The following AXDND1 variants were observed in gnomAD, a reference collection of about 807,000 sequenced individuals.
AXDND1 encodes axonemal dynein light chain domain-containing protein 1.
In AXDND1, 110 loss-of-function variants were observed where a neutral mutation model predicts 137.5. That is an observed-to-expected ratio of 0.80 (90% CI 0.69 to 0.94). The LOEUF is 0.94. Ranked by LOEUF, AXDND1 falls within the 40% of genes least tolerant of loss-of-function variation. The probability of loss-of-function intolerance (pLI) is 0.00; values close to 1 mark genes in which losing one functional copy is unlikely to be tolerated. For missense variants in AXDND1, 1,191 were observed against 1,169.8 expected (o/e 1.02, Z -0.26); for synonymous variants, 414 against 399.7 (o/e 1.04, Z -0.43).
intron 2 of AXDND1, 96 bp downstream of exon 2, chr1:179,366,702 C>A: frequency 2.1e-6 from 2 of 972,742 alleles, no homozygotes; most frequent in Non-Finnish European, 3.2e-6. Flanking sequence ...ATTCAGAATA[C>A]CTTGATTGGC....
chr1:179,383,395 C>A (rs371364552), intron 7 of AXDND1, 47 bp from the exon 8 acceptor site: 2 of 1,383,074 alleles, frequency 1.4e-6, no homozygotes, highest in Non-Finnish European at 2.1e-6. Context: ...TTTGAGAATT[C>A]CCTGTTGCAA....
intron 20 of AXDND1, among the ~76,000 whole-genome samples, chr1:179,493,997 G>A (rs1247357766): frequency 1.3e-5 from 2 of 152,220 alleles, no homozygotes; most frequent in East Asian, 1.9e-4. Context: ...TGTTGCCCAG[G>A]CTGGAGTGCA....
chr1:179,531,656 T>C (rs545411202), intron 23 of AXDND1, among the ~76,000 whole-genome samples: 27 of 152,230 alleles, frequency 1.8e-4, no homozygotes, highest in South Asian at 1.5e-3. Context: ...CCAAAGCTGA[T>C]AGGAGCACCC....
At chr1:179,369,244 A>G (rs1407122084) in intron 3 of AXDND1, among the ~76,000 whole-genome samples, 1 of 151,846 alleles carries the variant, frequency 6.6e-6, no homozygotes, top group Non-Finnish European at 1.5e-5. Flanking sequence ...CACCTGGCTA[A>G]TTTTTGTATT....
At chr1:179,529,372 C>T (rs1338616757) in intron 23 of AXDND1, among the ~76,000 whole-genome samples, 1 of 152,228 alleles carries the variant, frequency 6.6e-6, no homozygotes, top group Non-Finnish European at 1.5e-5. Context: ...TGGCCCCCTA[C>T]AAATTTGTTG....
At chr1:179,524,868 A>T (rs575193566) in intron 21 of AXDND1, among the ~76,000 whole-genome samples, 1 of 152,326 alleles carries the variant, frequency 6.6e-6, no homozygotes, top group South Asian at 2.1e-4. Flanking sequence ...CTTCAGGATA[A>T]GAGCCAATCA....
intron 19 of AXDND1, among the ~76,000 whole-genome samples, chr1:179,492,267 G>A (rs1666990175): frequency 6.6e-6 from 1 of 152,036 alleles, no homozygotes; most frequent in South Asian, 2.1e-4. Context: ...TAGAGGTAGA[G>A]TTTTGCCATG....
At chr1:179,450,503 T>G (rs570707031) in intron 16 of AXDND1, 1 of 152,260 alleles carries the variant, frequency 6.6e-6, no homozygotes, top group East Asian at 1.9e-4. Flanking sequence ...TAGGAAATTC[T>G]GTTCTATTCC....
intron 18 of AXDND1, among the ~76,000 whole-genome samples, chr1:179,488,985 G>A (rs769697306): frequency 6.8e-6 from 1 of 146,794 alleles, no homozygotes; most frequent in Admixed American, 6.7e-5. Context: ...CACCTGTCTC[G>A]GCCTCCCAAA....
chr1:179,538,828 A>C (rs2125719346), intron 25 of AXDND1, among the ~76,000 whole-genome samples: 1 of 151,420 alleles, frequency 6.6e-6, no homozygotes, highest in East Asian at 1.9e-4. Context: ...TGGGAGTCTA[A>C]GTCTCTTTGT....
chr1:179,450,485 A>G (rs1660400394), intron 16 of AXDND1: 1 of 152,112 alleles, frequency 6.6e-6, no homozygotes, highest in South Asian at 2.1e-4. Flanking sequence ...GATGCTTTTT[A>G]TCAGGTTTAG....
chr1:179,466,448 A>T (rs1384006211), intron 16 of AXDND1, among the ~76,000 whole-genome samples: 1 of 147,366 alleles, frequency 6.8e-6, no homozygotes, highest in East Asian at 2.1e-4. Flanking sequence ...TCTAAGAATT[A>T]TAATTTGACG....
intron 12 of AXDND1, among the ~76,000 whole-genome samples, chr1:179,416,826 G>C (rs1377003810): frequency 6.6e-6 from 1 of 152,112 alleles, no homozygotes; most frequent in Non-Finnish European, 1.5e-5. Context: ...CTGTCTTGTG[G>C]CTACCCTAGA....
At chr1:179,415,792 C>T (rs531408914) in intron 12 of AXDND1, among the ~76,000 whole-genome samples, 1 of 152,160 alleles carries the variant, frequency 6.6e-6, no homozygotes, top group South Asian at 2.1e-4. Context: ...GCAACCTCCA[C>T]CTCCCGGGTT....
intron 23 of AXDND1, among the ~76,000 whole-genome samples, chr1:179,530,181 C>G (rs535404783): frequency 1.1e-4 from 17 of 152,136 alleles, no homozygotes; most frequent in Non-Finnish European, 2.1e-4. Context: ...AGGTGCCCAC[C>G]ACCATGCCCG....
chr1:179,554,658 T>C lies in AXDND1; in HGVS notation c.*139T>C. 1.5e-6 allele frequency: 2 copies of C among 1,312,404 alleles called. No individual in the cohort carries two copies. The highest frequency in any genetic ancestry group is 2.3e-5 in the East Asian group (1 of 42,750). 81.3% of individuals were successfully genotyped at this position (1,312,404 alleles called of 1,614,324 possible). A position where few individuals can be genotyped will look rare whatever the true frequency, so the allele number is the denominator to read the frequency against. On this transcript the variant is annotated 3_prime_UTR_variant, in exon 26 of 26. Coordinates refer to ENST00000367618, the MANE Select transcript of AXDND1 (RefSeq NM_144696.6). ...CTTTGAAAGGACATTATTTGCCTGT[T>C]GTATTTAACTTCACAGTGCCTTGCA...
chr1:179,472,239 C>G (rs1664041167), intron 17 of AXDND1, among the ~76,000 whole-genome samples: 1 of 152,072 alleles, frequency 6.6e-6, no homozygotes, highest in African/African-American at 2.4e-5. Flanking sequence ...TATGATTTCT[C>G]TTGTGATTTA....
intron 15 of AXDND1, among the ~76,000 whole-genome samples, 187 bp downstream of exon 15, chr1:179,432,529 G>A (rs12097093): frequency 0.016 from 2,364 of 151,984 alleles, 52 homozygotes; most frequent in African/African-American, 0.053. Flanking sequence ...GAGTTCAAGC[G>A]ATTCTCCTGC....
rs903462442 is a variant in AXDND1 at position 179,549,758 on chromosome 1, A to C, written c.3032-4754A>C. Among the ~76,000 whole-genome samples, 4 of 152,122 alleles carry C rather than the reference A, an allele frequency of 2.6e-5. No individual in the cohort carries two copies. The South Asian group carries it at 8.3e-4, about 32-fold the overall frequency. ...TTAATTCCAATAACCAATACACTGG[A>C]ATGGGTGTGGGCCAACACAGTGATA... On this transcript the variant is annotated intron_variant, in intron 25 of 25. Coordinates refer to ENST00000367618, the MANE Select transcript of AXDND1 (RefSeq NM_144696.6).
Sources: gnomAD v4.1 joint callset for allele counts (sites outside exome capture counted in the v4.1 genomes callset) on GRCh38, gnomAD v4.1.1 for gene constraint, MANE v1.5 for transcripts, NCBI Gene and HGNC (gene_info 2026-07-23, HGNC 2026-07-21) for gene names.